ETFBKMT: variants seen among roughly 807,000 people sequenced by gnomAD.
The protein encoded by ETFBKMT is electron transfer flavoprotein beta subunit lysine methyltransferase.
Under a neutral mutation model 18.3 loss-of-function variants are expected in ETFBKMT, and 13 were observed. The observed-to-expected ratio is 0.71, with a 90% confidence interval of 0.46 to 1.13. The LOEUF is 1.13. Among genes scored for constraint, ETFBKMT ranks in the 50% most tolerant of loss-of-function variants. The probability of loss-of-function intolerance (pLI) is 0.00; values close to 1 mark genes in which losing one functional copy is unlikely to be tolerated. For missense variants in ETFBKMT, 293 were observed against 306.2 expected (o/e 0.96, Z 0.32); for synonymous variants, 84 against 107.9 (o/e 0.78, Z 1.37).
chr12:31,657,230 G>C (rs1021136541), upstream of ETFBKMT, among the ~76,000 whole-genome samples: 1 of 152,170 alleles, frequency 6.6e-6, no homozygotes, highest in African/African-American at 2.4e-5. Context: ...AAAATGTAGG[G>C]CAGGTATTTA....
chr12:31,652,331 A>C (rs1322231690), intron 1 of ETFBKMT, among the ~76,000 whole-genome samples: 3 of 152,176 alleles, frequency 2.0e-5, no homozygotes, highest in Non-Finnish European at 4.4e-5. Flanking sequence ...GCGCCTGACG[A>C]CAAACCCCGG....
chr12:31,655,270 C>G (rs1355588603), upstream of ETFBKMT, among the ~76,000 whole-genome samples: 2 of 152,158 alleles, frequency 1.3e-5, no homozygotes, highest in Non-Finnish European at 2.9e-5. Flanking sequence ...GCTTACTTCA[C>G]AACCTTGTGT....
upstream of ETFBKMT, among the ~76,000 whole-genome samples, chr12:31,657,812 AAG>A (rs1555183261): frequency 8.6e-5 from 13 of 151,812 alleles, no homozygotes; most frequent in Non-Finnish European, 1.6e-4. Flanking sequence ...AAAAAAAAAA[AAG>A]AATAGTTTTA....
chr12:31,665,574 G>T (rs191602534), intron 2 of ETFBKMT, among the ~76,000 whole-genome samples: 2 of 152,092 alleles, frequency 1.3e-5, no homozygotes, highest in Admixed American at 1.3e-4. Flanking sequence ...GACACTAGAG[G>T]AATTAAAGAT....
At chr12:31,657,058 A>C (rs1394879714), upstream of ETFBKMT, among the ~76,000 whole-genome samples, 2 of 152,274 alleles carry the variant, frequency 1.3e-5, no homozygotes, top group African/African-American at 4.8e-5. Flanking sequence ...CTGATTATTA[A>C]GAAGGTTTAG....
rs1300957738 is a variant in ETFBKMT at position 31,669,568 on chromosome 12, A to G, written c.*1578A>G. The G allele has an allele frequency of 6.6e-6, 1 of 152,228 alleles. No homozygotes were observed. Among genetic ancestry groups the G allele is most frequent in the Non-Finnish European group, 1.5e-5 (1 of 68,052 alleles). The allele number at this position is 152,228 out of a possible 1,614,324, so 9.4% of individuals were successfully genotyped here. ...TTACTTTCCCTATCCTCATACCAGA[A>G]GAGGGGATTTTTCTCTGATCCTCAC... On this transcript the variant is annotated 3_prime_UTR_variant, in exon 4 of 4. Transcript: ENST00000357721.
intron 1 of ETFBKMT, among the ~76,000 whole-genome samples, chr12:31,653,208 C>CA (rs33928613): frequency 0.1 from 9,629 of 95,116 alleles, 478 homozygotes; most frequent in African/African-American, 0.18. Context: ...GACTCCGTCT[C>CA]AAAAAAAAAA....
At chr12:31,664,333 C>CT (rs1951166166) in intron 2 of ETFBKMT, among the ~76,000 whole-genome samples, 1 of 152,060 alleles carries the variant, frequency 6.6e-6, no homozygotes, top group South Asian at 2.1e-4. Context: ...GAAAATCACT[C>CT]TATGATGGAG....
chr12:31,657,771 G>A (rs1273859902), upstream of ETFBKMT, among the ~76,000 whole-genome samples: 2 of 126,998 alleles, frequency 1.6e-5, no homozygotes, highest in African/African-American at 6.0e-5. Context: ...CAGCCTGGGC[G>A]ACAGAGCAAG....
chr12:31,651,893 G>A (rs2139609942), intron 1 of ETFBKMT, among the ~76,000 whole-genome samples: 1 of 152,312 alleles, frequency 6.6e-6, no homozygotes, highest in South Asian at 2.1e-4. Flanking sequence ...CCGAGCTGCA[G>A]ACACAGACAA....
At chr12:31,660,666 T>C (rs1043173580) in intron 1 of ETFBKMT, 20 of 152,232 alleles carry the variant, frequency 1.3e-4, no homozygotes, top group African/African-American at 4.3e-4. Flanking sequence ...TGTTCTTTTA[T>C]TACAATTAAA....
In ETFBKMT at chr12:31,661,901, A is replaced by G. The variant is rs1266166405; in HGVS notation, c.-53A>G. The G allele has an allele frequency of 1.3e-6, 2 of 1,530,100 alleles. No individual in the cohort carries two copies. Among genetic ancestry groups the G allele is most frequent in the African/African-American group, 1.4e-5 (1 of 72,310 alleles). The allele number at this position is 1,530,100 out of a possible 1,614,324, so 94.8% of individuals were successfully genotyped here. On this transcript the variant is annotated 5_prime_UTR_variant, in exon 2 of 4. Transcript: ENST00000357721. ...ACACCCTTGTTCATTCTCCTTGAGA[A>G]GCAGCTATTATCAACAGAACATTGA...
chr12:31,659,270 C>T (rs1174741225), upstream of ETFBKMT: 1 of 152,162 alleles, frequency 6.6e-6, no homozygotes, highest in Non-Finnish European at 1.5e-5. Flanking sequence ...TAGCGGGACC[C>T]CGGAAATGTA....
At chr12:31,667,255 A>T (rs1046823793) in intron 3 of ETFBKMT, among the ~76,000 whole-genome samples, 4 of 152,222 alleles carry the variant, frequency 2.6e-5, no homozygotes, top group Admixed American at 1.3e-4. Flanking sequence ...TCGGCCTCCC[A>T]AAGTACTGGG....
At position 31,649,173 on chromosome 12, in the gene ETFBKMT, G is replaced by T. The variant is rs550432253; in HGVS notation, c.-114+1918G>T. Among the ~76,000 whole-genome samples, 12 of 152,276 alleles carry T rather than the reference G, an allele frequency of 7.9e-5. No homozygotes were observed. In the South Asian group the frequency reaches 1.2e-3, roughly 16 times the overall value. On this transcript the variant is annotated intron_variant, in intron 1 of 3. Coordinates refer to the ETFBKMT transcript ENST00000412352. ...CACCGTGTTGCCCAGGCTGGAGATAGTTGTTATATTTTTAGGAAATAATGA... is the reference window on the plus strand; with the variant it reads ...CACCGTGTTGCCCAGGCTGGAGATATTTGTTATATTTTTAGGAAATAATGA...
intron 2 of ETFBKMT, among the ~76,000 whole-genome samples, chr12:31,665,784 GGTTA>G (rs1444969734): frequency 1.1e-4 from 17 of 150,452 alleles, no homozygotes; most frequent in African/African-American, 4.3e-4. Flanking sequence ...GGATGGGTTG[GGTTA>G]GTTATCTGCA....
In ETFBKMT at chr12:31,662,281, G is replaced by GA. The variant is rs924160816; in HGVS notation, c.314+17dup. On this transcript the variant is annotated intron_variant, in intron 2 of 3. Coordinates refer to ENST00000357721, the MANE Select transcript of ETFBKMT (RefSeq NM_001135863.2). ...AGCCCTGTCTAGGTACTACCCTAAT[G>GA]AAACCTTTAAGGCGCTACAGATCTT... 1 of 1,611,782 alleles carries GA rather than the reference G, an allele frequency of 6.2e-7. No homozygotes were observed.
At position 31,648,763 on chromosome 12, in the gene ETFBKMT, A is replaced by G. The variant is rs375100524; in HGVS notation, c.-114+1508A>G. ...TTTTTAGTAGAGACAGGGTTTCACC[A>G]TGTTAGCCAGGATGGTCTCGATCTC... On this transcript the variant is annotated intron_variant, in intron 1 of 3. Coordinates refer to the ETFBKMT transcript ENST00000412352. Among the ~76,000 whole-genome samples, 342 of 151,314 alleles carry G rather than the reference A, an allele frequency of 2.3e-3. 2 individuals are homozygous for G. The highest frequency in any genetic ancestry group is 6.8e-3 in the Admixed American group (103 of 15,174).
chr12:31,670,599 T>C lies in ETFBKMT; in HGVS notation c.*2609T>C, dbSNP rs1037822560. On this transcript the variant is annotated 3_prime_UTR_variant, in exon 4 of 4. Coordinates refer to ENST00000357721, the MANE Select transcript of ETFBKMT (RefSeq NM_001135863.2). ...CTCCCACTTCAGCCTCCTTAGTAGC[T>C]AGGACTGTAGGCATGCACCACCATG... 1 of 152,178 alleles carries C rather than the reference T, an allele frequency of 6.6e-6. No individual in the cohort carries two copies. The highest frequency in any genetic ancestry group is 2.4e-5 in the African/African-American group (1 of 41,420). 9.4% of individuals were successfully genotyped at this position (152,178 alleles called of 1,614,324 possible).
Sources: gnomAD v4.1 joint callset for allele counts (sites outside exome capture counted in the v4.1 genomes callset) on GRCh38, gnomAD v4.1.1 for gene constraint, MANE v1.5 for transcripts, NCBI Gene and HGNC (gene_info 2026-07-23, HGNC 2026-07-21) for gene names.